Variants in ANKH observed in about 807,000 individuals in gnomAD.
ANKH encodes the protein ANKH inorganic pyrophosphate transport regulator, also known as mineralization regulator ANKH.
ANKH carries 15 observed loss-of-function variants against 49.0 expected under a neutral mutation model. The observed-to-expected ratio is 0.31, with a 90% CI of 0.20 to 0.47. The LOEUF is 0.47. Ranked by LOEUF, ANKH falls within the 20% of genes least tolerant of loss-of-function variation. The pLI is 1.00. For synonymous variants in ANKH, 273 were observed against 260.0 expected (o/e 1.05, Z -0.48); for missense variants, 429 against 652.0 (o/e 0.66, Z 3.72).
chr5:14,856,765 G>A (rs904109749), intron 1 of ANKH, among the ~76,000 whole-genome samples: 1 of 152,134 alleles, frequency 6.6e-6, no homozygotes, highest in Non-Finnish European at 1.5e-5. Context: ...CTCGCAGGCT[G>A]TCAATACCAA....
chr5:14,716,807 T>C lies in ANKH; in HGVS notation c.1040A>G (p.Asn347Ser), dbSNP rs150301410. ...GTCTATCAAGATTTTCTCAGACACGTTGGGTGTCCAAAACATCACGAAACA... is the reference window on the plus strand; with the variant it reads ...GTCTATCAAGATTTTCTCAGACACGCTGGGTGTCCAAAACATCACGAAACA... Reference protein sequence around the residue: ...TLCFVMFWTPNVSEKILIDII... With the variant: ...TLCFVMFWTPSVSEKILIDII... Residue 347 changes from asparagine (N) to serine (S), a missense_variant, in exon 9 of 12, where the codon AAC (asparagine) becomes AGC (serine). Physicochemically the swap from Asn to Ser is conservative, Grantham distance 46 (BLOSUM62 1). Around this residue, in one of 2 missense-constraint regions of ANKH, gnomAD observed 378 missense variants for 615.3 expected, o/e 0.61. Transcript: ENST00000284268. 58 of 1,614,086 alleles carry C rather than the reference T, an allele frequency of 3.6e-5. No homozygotes were observed. In the African/African-American group the frequency reaches 6.3e-4, roughly 17 times the overall value.
chr5:14,735,346 G>GAAAT, intron 8 of ANKH, among the ~76,000 whole-genome samples: 1 of 152,236 alleles, frequency 6.6e-6, no homozygotes, highest in East Asian at 1.9e-4. Context: ...GGAGAATCTG[G>GAAAT]AAATAAAATA....
chr5:14,829,720 T>G (rs914631671), intron 1 of ANKH, among the ~76,000 whole-genome samples: 1 of 152,222 alleles, frequency 6.6e-6, no homozygotes, highest in African/African-American at 2.4e-5. Flanking sequence ...TAAAAAGATT[T>G]GTTGCACATT....
At chr5:14,862,666 A>T (rs1373969650) in intron 1 of ANKH, among the ~76,000 whole-genome samples, 1 of 152,204 alleles carries the variant, frequency 6.6e-6, no homozygotes, top group Non-Finnish European at 1.5e-5. Context: ...ATTAGTGAGC[A>T]CCTCGTTGTG....
intron 4 of ANKH, among the ~76,000 whole-genome samples, chr5:14,754,866 A>G (rs1738828822): frequency 6.6e-6 from 1 of 152,130 alleles, no homozygotes; most frequent in South Asian, 2.1e-4. Context: ...ACCTGAGGTC[A>G]GGAGTTTGAG....
At chr5:14,791,777 G>C (rs571544862) in intron 1 of ANKH, among the ~76,000 whole-genome samples, 1 of 152,198 alleles carries the variant, frequency 6.6e-6, no homozygotes, top group African/African-American at 2.4e-5. Context: ...CTCTCCCTTG[G>C]GAGCCCTCCC....
At chr5:14,828,521 T>C (rs1461445641) in intron 1 of ANKH, among the ~76,000 whole-genome samples, 1 of 152,138 alleles carries the variant, frequency 6.6e-6, no homozygotes, top group South Asian at 2.1e-4. Context: ...AGACTCCGTC[T>C]CAAAAACAAA....
chr5:14,707,721 T>C lies in ANKH; in HGVS notation c.*3476A>G, dbSNP rs977383579. On this transcript the variant is annotated 3_prime_UTR_variant, in exon 12 of 12. Coordinates refer to ENST00000284268, the MANE Select transcript of ANKH (RefSeq NM_054027.6). ...GAAGTATAAAGTGCTTTTACTATTGTAAAGAAGCTTTATTTGGCCCCATCT... is the reference window on the plus strand; with the variant it reads ...GAAGTATAAAGTGCTTTTACTATTGCAAAGAAGCTTTATTTGGCCCCATCT... 4.6e-5 allele frequency: 7 copies of C among 152,216 alleles called. No homozygotes were observed. Among genetic ancestry groups the C allele is most frequent in the Non-Finnish European group, 7.3e-5 (5 of 68,032 alleles). 9.4% of individuals were successfully genotyped at this position (152,216 alleles called of 1,614,324 possible).
rs561397353 is a variant in ANKH, at chr5:14,820,391, G to A, written c.96+50961C>T. Among the ~76,000 whole-genome samples the A allele has an allele frequency of 5.3e-5, 8 of 152,280 alleles. No homozygotes were observed. In the South Asian group the frequency reaches 1.7e-3, roughly 32 times the overall value. The stretch of plus-strand genomic sequence containing the variant: ...ACTCTGACACTTGTTAAAATGGTAA[G>A]GAAGACTTTATTTGGGACTATTGCA... On this transcript the variant is annotated intron_variant, in intron 1 of 11. Coordinates refer to ENST00000284268, the MANE Select transcript of ANKH (RefSeq NM_054027.6).
intron 2 of ANKH, among the ~76,000 whole-genome samples, chr5:14,766,807 G>A (rs1470639705): frequency 1.3e-5 from 2 of 152,178 alleles, no homozygotes; most frequent in Non-Finnish European, 2.9e-5. Flanking sequence ...GGGAATATAT[G>A]CTCATTTCAA....
At position 14,711,322 on chromosome 5, in the gene ANKH, A is replaced by G; in HGVS notation, c.1366-12T>C. On this transcript the variant is annotated splice_polypyrimidine_tract_variant and intron_variant, in intron 11 of 11. Coordinates refer to ENST00000284268, the MANE Select transcript of ANKH (RefSeq NM_054027.6). ...TCCATCTTCTTTTTCTAGACCAAAG[A>G]AGACTCATCAGTGTGGGGCTGTGGA... The G allele has an allele frequency of 6.2e-7, 1 of 1,611,226 alleles. No individual in the cohort carries two copies.
chr5:14,754,845 GT>G (rs1471761986), intron 4 of ANKH, among the ~76,000 whole-genome samples: 1 of 152,128 alleles, frequency 6.6e-6, no homozygotes, highest in Non-Finnish European at 1.5e-5. Flanking sequence ...GGAGGCCGAG[GT>G]GGGCAGATCA....
chr5:14,831,528 C>T (rs555973526), intron 1 of ANKH, among the ~76,000 whole-genome samples: 8 of 152,222 alleles, frequency 5.3e-5, no homozygotes, highest in East Asian at 3.9e-4. Context: ...CCCTGGGGGA[C>T]GACGGGGGGC....
chr5:14,738,595 T>C (rs1267258463), intron 8 of ANKH, among the ~76,000 whole-genome samples: 1 of 152,124 alleles, frequency 6.6e-6, no homozygotes, highest in Non-Finnish European at 1.5e-5. Context: ...TGACCTCTGC[T>C]ACATTAATTT....
At chr5:14,733,199 C>T (rs979774774) in intron 8 of ANKH, among the ~76,000 whole-genome samples, 45 of 152,314 alleles carry the variant, frequency 3.0e-4, no homozygotes, top group African/African-American at 1.1e-3. Flanking sequence ...TGTTGTTTGC[C>T]ATATGTGCTG....
intron 1 of ANKH, chr5:14,868,587 T>C (rs1735724362): frequency 6.6e-6 from 1 of 151,936 alleles, no homozygotes; most frequent in Admixed American, 6.6e-5. Context: ...GTTTGTATTT[T>C]TTAGTAGAGA....
At chr5:14,831,647 G>A (rs1741511091) in intron 1 of ANKH, among the ~76,000 whole-genome samples, 1 of 152,170 alleles carries the variant, frequency 6.6e-6, no homozygotes, top group Admixed American at 6.5e-5. Context: ...TGTGGGACAG[G>A]AAACCATCTT....
At chr5:14,765,504 C>A (rs968872263) in intron 2 of ANKH, among the ~76,000 whole-genome samples, 1 of 152,072 alleles carries the variant, frequency 6.6e-6, no homozygotes, top group African/African-American at 2.4e-5. Context: ...AGGGAAGTGT[C>A]TGAGTGGTCA....
intron 1 of ANKH, among the ~76,000 whole-genome samples, chr5:14,802,355 G>T (rs747041630): frequency 7.3e-5 from 11 of 151,600 alleles, no homozygotes; most frequent in Non-Finnish European, 1.6e-4. Flanking sequence ...TGTCTCCTAT[G>T]TATCAATTAT....
Sources: gnomAD v4.1 joint callset for allele counts (sites outside exome capture counted in the v4.1 genomes callset) on GRCh38, gnomAD v4.1.1 for gene constraint, gnomAD v4.1.1 regional missense constraint, MANE v1.5 for transcripts, NCBI Gene and HGNC (gene_info 2026-07-23, HGNC 2026-07-21) for gene names.